BDP1: variants seen among roughly 807,000 people sequenced by gnomAD.
BDP1 encodes the protein BDP1 general transcription factor IIIB subunit, also known as transcription factor TFIIIB component B'' homolog.
A neutral mutation model predicts 266.6 loss-of-function variants in BDP1; 169 were observed. The observed-to-expected ratio is 0.63, with a 90% confidence interval of 0.56 to 0.72. The LOEUF is 0.72. BDP1 is among the 30% of genes least tolerant of loss of function. The pLI, the probability that BDP1 is intolerant of heterozygous loss-of-function variation, is 0.00. For synonymous variants in BDP1, 1,090 were observed against 1,022.4 expected (o/e 1.07, Z -1.26); for missense variants, 3,015 against 3,053.8 (o/e 0.99, Z 0.30).
In BDP1 at chr5:71,517,368, T is replaced by C. The variant is rs1280799161; in HGVS notation, c.4907T>C (p.Val1636Ala). The C allele has an allele frequency of 3.1e-6, 5 of 1,603,332 alleles. No individual in the cohort carries two copies. The African/African-American group carries it at 6.7e-5, about 22-fold the overall frequency. ...GAAATTGAAGTTCCATCGTCCGCAG[T>C]TCCAGAACACAGAATGTATGAAAAT... The part of the protein sequence containing the change: ...ETEIEVPSSA[V>A]PEHRMYENQS... The change falls in exon 22 of 39, where the codon GTT (valine) becomes GCT (alanine). Residue 1636 changes from valine (V) to alanine (A), a missense_variant. Coordinates refer to ENST00000358731, the MANE Select transcript of BDP1 (RefSeq NM_018429.3).
chr5:71,525,289 A>G (rs1352827054), intron 25 of BDP1, among the ~76,000 whole-genome samples: 1 of 123,326 alleles, frequency 8.1e-6, no homozygotes, highest in East Asian at 2.8e-4. Flanking sequence ...TCCCTCCCGG[A>G]CGGGGCGGCT....
rs1189918759 is a variant in BDP1 at position 71,458,597 on chromosome 5, T to C, written c.231T>C (p.Gly77=). The C allele has an allele frequency of 1.2e-6, 2 of 1,612,046 alleles. No homozygotes were observed. Among genetic ancestry groups the C allele is most frequent in the Admixed American group, 1.7e-5 (1 of 59,738 alleles). ...APRSSTEKTG[G]DNDVEESSRS... is the part of the protein sequence containing the mutation. ...TCAACAGTACTGAAAAGACTGGTGGTGACAATGATGTTGAAGAATCCAGTA... is the reference window on the plus strand; with the variant it reads ...TCAACAGTACTGAAAAGACTGGTGGCGACAATGATGTTGAAGAATCCAGTA... Residue 77 remains glycine (G), a synonymous_variant, in exon 2 of 39, where the codon GGT becomes GGC. Coordinates refer to ENST00000358731, the MANE Select transcript of BDP1 (RefSeq NM_018429.3).
Position 71,553,178 on chromosome 5 carries a change from A to G in BDP1, c.7058A>G (p.Asp2353Gly), listed in dbSNP as rs959984403. 3.1e-6 allele frequency: 5 copies of G among 1,613,310 alleles called. No homozygotes were observed. Among genetic ancestry groups the G allele is most frequent in the Middle Eastern group, 1.8e-4 (1 of 5,616 alleles). Residue 2353 changes from aspartate (D) to glycine (G), a missense_variant, in exon 35 of 39, where the codon GAT (aspartate) becomes GGT (glycine). Asp to Gly is a moderately conservative substitution (Grantham distance 94, BLOSUM62 -1). This residue lies in a region of BDP1 where 629 missense variants were observed against 632.5 expected (regional missense o/e 0.99). Coordinates refer to ENST00000358731, the MANE Select transcript of BDP1 (RefSeq NM_018429.3). ...ATGGGTTTATCTATTTCTGGAAGAG[A>G]TAATTCTAAAAAGCCGCCTGATAAT... ...DAMGLSISGR[D>G]NSKKPPDNLD...
intron 34 of BDP1, among the ~76,000 whole-genome samples, chr5:71,552,893 T>C (rs956723158): frequency 2.0e-5 from 3 of 152,204 alleles, no homozygotes; most frequent in African/African-American, 4.8e-5. Context: ...GGAATTTAAG[T>C]TATAAGCCCT....
intron 7 of BDP1, among the ~76,000 whole-genome samples, chr5:71,481,391 G>GAAAAAAAAAA (rs58798987): frequency 6.1e-4 from 39 of 63,848 alleles, no homozygotes; most frequent in South Asian, 7.9e-4. Flanking sequence ...TCTCTACAAA[G>GAAAAAAAAAA]AAAAAAAAAA....
chr5:71,504,166 G>A (rs778357356), intron 15 of BDP1, among the ~76,000 whole-genome samples: 4 of 151,624 alleles, frequency 2.6e-5, no homozygotes, highest in Non-Finnish European at 5.9e-5. Flanking sequence ...CTAGCTACTC[G>A]GGAGGCTGAG....
rs1314454568 is a variant in BDP1 at position 71,494,901 on chromosome 5, G to T, written c.1641-349G>T. The T allele has an allele frequency of 7.6e-5, 12 of 157,418 alleles. No homozygotes were observed. In the East Asian group the frequency reaches 2.2e-3, roughly 29 times the overall value. The allele number at this position is 157,418 out of a possible 1,614,324, so 9.8% of individuals were successfully genotyped here. On this transcript the variant is annotated intron_variant, in intron 11 of 38. Transcript: ENST00000358731. ...TTTAGTAGAGATGGGATTTAACCAT[G>T]TTGGCCAGGATGTTCCAAACTCCTG... is the stretch of plus-strand genomic sequence containing the variant.
At chr5:71,561,699 C>T (rs1448650049) in intron 37 of BDP1, among the ~76,000 whole-genome samples, 1 of 152,196 alleles carries the variant, frequency 6.6e-6, no homozygotes, top group East Asian at 1.9e-4. Context: ...CACTGTTCCA[C>T]AGCTTTGCTA....
chr5:71,543,978 T>C lies in BDP1; in HGVS notation c.6413-379T>C, dbSNP rs374528641. On this transcript the variant is annotated intron_variant, in intron 30 of 38. Transcript: ENST00000358731. ...AGTCTTTTTTTCCCCGTTTGTGATA[T>C]TATTCTTTGCAGTGCAGCTCCTTTT... Among the ~76,000 whole-genome samples, 16 of 152,354 alleles carry C rather than the reference T, an allele frequency of 1.1e-4. 1 individual carries two copies. The highest frequency in any genetic ancestry group is 3.8e-4 in the African/African-American group (16 of 41,584).
At chr5:71,490,064 A>T (rs1008802250) in intron 10 of BDP1, among the ~76,000 whole-genome samples, 3 of 152,208 alleles carry the variant, frequency 2.0e-5, no homozygotes, top group African/African-American at 7.2e-5. Flanking sequence ...TAGTTCCTAT[A>T]AAAGAACTAG....
At chr5:71,474,448 A>G (rs1244913040) in intron 7 of BDP1, among the ~76,000 whole-genome samples, 1 of 151,954 alleles carries the variant, frequency 6.6e-6, no homozygotes, top group Non-Finnish European at 1.5e-5. Flanking sequence ...TAGCCTCCCA[A>G]GAAGTTGGGA....
rs755390646 is a variant in BDP1 at position 71,542,121 on chromosome 5, G to C, written c.6268G>C (p.Val2090Leu). Residue 2090 changes from valine (V) to leucine (L), a missense_variant, in exon 30 of 39, where the codon GTG becomes CTG. By Grantham distance (32) the Val-to-Leu change is conservative (BLOSUM62 1). This residue lies in a region of BDP1 where 629 missense variants were observed against 632.5 expected (regional missense o/e 0.99). Coordinates refer to ENST00000358731, the MANE Select transcript of BDP1 (RefSeq NM_018429.3). ...TGTTTTTAGGAATACAATTTCTAAA[G>C]TGACCAGTAATTTGAGAATAAGAAG... ...ATPTRNTISK[V>L]TSNLRIRSRL... is the part of the protein sequence containing the mutation. 6.2e-7 allele frequency: 1 copy of C among 1,602,368 alleles called. No homozygotes were observed. Among genetic ancestry groups the C allele is most frequent in the Admixed American group, 1.8e-5 (1 of 56,374 alleles).
chr5:71,536,333 C>G (rs1165141443), intron 26 of BDP1, among the ~76,000 whole-genome samples: 2 of 152,156 alleles, frequency 1.3e-5, no homozygotes, highest in Admixed American at 1.3e-4. Flanking sequence ...GTACCAGTAT[C>G]CTTACATGTT....
rs34529158 is a variant in BDP1 at position 71,522,303 on chromosome 5, C to A, written c.5006C>A (p.Pro1669Gln). 45,675 of 1,611,402 alleles carry A rather than the reference C, an allele frequency of 0.028. 851 individuals are homozygous for A. Among genetic ancestry groups the A allele is most frequent in the South Asian group, 0.068 (6,129 of 90,578 alleles). The change falls in exon 23 of 39, where the codon CCG (proline) becomes CAG (glutamine). Residue 1669 changes from proline to glutamine, a missense_variant. By Grantham distance (76) the Pro-to-Gln change is moderately conservative. Coordinates refer to ENST00000358731, the MANE Select transcript of BDP1 (RefSeq NM_018429.3). The stretch of plus-strand genomic sequence containing the variant: ...CTTCATTCTAGACATGAAAATAAAC[C>A]GTATGTTCCTAGTTCAGCACAAATG... Reference protein sequence around the residue: ...TNETIRHENKPYVPSSAQMTR... With the variant: ...TNETIRHENKQYVPSSAQMTR...
chr5:71,574,629 A>G, the BDP1 span, among the ~76,000 whole-genome samples: 1 of 152,266 alleles, frequency 6.6e-6, no homozygotes, highest in South Asian at 2.1e-4. Flanking sequence ...AAGCTGTCTT[A>G]ACTTACAGGG....
Position 71,549,216 on chromosome 5 carries a change from C to T in BDP1, c.6809-204C>T, listed in dbSNP as rs367756571. Among the ~76,000 whole-genome samples, 58 of 152,168 alleles carry T rather than the reference C, an allele frequency of 3.8e-4. 1 individual carries two copies. The highest frequency in any genetic ancestry group is 5.8e-4 in the African/African-American group (24 of 41,488). On this transcript the variant is annotated intron_variant, in intron 33 of 38. Transcript: ENST00000358731. ...TTGTGCCACTGTATTTCAGCCCGGG[C>T]GACAGAGCGAGACTCTGTCTCCCCC...
At chr5:71,541,991 T>C in intron 29 of BDP1, 114 bp from the exon 30 acceptor site, 2 of 803,080 alleles carry the variant, frequency 2.5e-6, no homozygotes, top group East Asian at 5.4e-5. Context: ...TGAACACTTG[T>C]AGACAGTGTG....
chr5:71,549,753 G>A (rs1253291162), intron 34 of BDP1, 147 bp downstream of exon 34: 14 of 610,334 alleles, frequency 2.3e-5, no homozygotes, highest in Middle Eastern at 5.4e-4. Context: ...GAGAAGAAAT[G>A]TAATGTGGTA....
In BDP1 at chr5:71,515,986, A is replaced by C. The variant is rs1258870656; in HGVS notation, c.4650-75A>C. ...TAGAGTGTTTATTAGAGGAGATCCA[A>C]ATTTTACATTTTTACATTAGTTTTC... On this transcript the variant is annotated intron_variant, in intron 20 of 38. Transcript: ENST00000358731. 3 of 1,085,730 alleles carry C rather than the reference A, an allele frequency of 2.8e-6. No individual in the cohort carries two copies. The East Asian group carries it at 7.8e-5, about 28-fold the overall frequency. The allele number at this position is 1,085,730 out of a possible 1,614,324, so 67.3% of individuals were successfully genotyped here.
Sources: allele counts gnomAD v4.1 joint callset (sites outside exome capture counted in the v4.1 genomes callset), GRCh38; gene constraint gnomAD v4.1.1; regional missense constraint gnomAD v4.1.1; transcripts MANE v1.5; gene names NCBI Gene and HGNC (gene_info 2026-07-23, HGNC 2026-07-21).